LSM14A: variants seen among roughly 807,000 people sequenced by gnomAD.
LSM14A encodes the protein LSM14A mRNA processing body assembly factor, also known as protein LSM14 homolog A.
A neutral mutation model predicts 52.4 loss-of-function variants in LSM14A; 14 were observed. That is an observed-to-expected ratio of 0.27 (90% CI 0.18 to 0.42). The LOEUF is 0.42. Among genes scored for constraint, LSM14A ranks in the 10% least tolerant of loss-of-function variants. The pLI is 1.00. For missense variants in LSM14A, 417 were observed against 581.8 expected (o/e 0.72, Z 2.91); for synonymous variants, 185 against 200.3 (o/e 0.92, Z 0.64).
chr19:34,214,291 AC>A (rs2072404257), intron 4 of LSM14A, among the ~76,000 whole-genome samples: 1 of 146,596 alleles, frequency 6.8e-6, no homozygotes, highest in South Asian at 2.1e-4. Flanking sequence ...TAGTTCTTTT[AC>A]TTTATTTATT....
chr19:34,227,396 A>G lies in LSM14A; in HGVS notation c.*8A>G, dbSNP rs2073398330. 6.3e-7 allele frequency: 1 copy of G among 1,589,674 alleles called. No individual in the cohort carries two copies. Among genetic ancestry groups the G allele is most frequent in the African/African-American group, 1.4e-5 (1 of 73,554 alleles). On this transcript the variant is annotated 3_prime_UTR_variant, in exon 10 of 10. Coordinates refer to ENST00000544216, the MANE Select transcript of LSM14A (RefSeq NM_015578.4). Reference sequence around the variant, plus strand: ...AACAAAGTTGCTGCATAGTCTACAAACAAGTCTCTGAAAATAGGTGAATTT... The same window carrying G: ...AACAAAGTTGCTGCATAGTCTACAAGCAAGTCTCTGAAAATAGGTGAATTT...
chr19:34,225,991 G>T (rs2073316428), intron 9 of LSM14A, among the ~76,000 whole-genome samples: 1 of 152,024 alleles, frequency 6.6e-6, no homozygotes, highest in African/African-American at 2.4e-5. Context: ...GAACCTGGGA[G>T]GTCAAGGCTG....
chr19:34,217,619 G>GTTTTTTTTT (rs34613927), intron 6 of LSM14A, among the ~76,000 whole-genome samples: 1 of 13,768 alleles, frequency 7.3e-5, no homozygotes, highest in Non-Finnish European at 1.2e-4. Flanking sequence ...CCCCCCCCGT[G>GTTTTTTTTT]TTTTTTTTTT....
At chr19:34,183,155 A>G (rs1213104386) in intron 1 of LSM14A, among the ~76,000 whole-genome samples, 1 of 152,238 alleles carries the variant, frequency 6.6e-6, no homozygotes, top group East Asian at 1.9e-4. Flanking sequence ...GAGAGTCAAC[A>G]TTAAATTTAA....
chr19:34,211,643 G>A (rs2072160788), intron 4 of LSM14A, among the ~76,000 whole-genome samples: 1 of 151,910 alleles, frequency 6.6e-6, no homozygotes, highest in South Asian at 2.1e-4. Flanking sequence ...TTAAAAATAA[G>A]CAGAGTATGA....
intron 1 of LSM14A, among the ~76,000 whole-genome samples, chr19:34,184,711 T>A (rs2069758369): frequency 6.6e-6 from 1 of 152,214 alleles, no homozygotes; most frequent in South Asian, 2.1e-4. Context: ...ATTTTCCAGG[T>A]TTTATCTAAT....
intron 1 of LSM14A, among the ~76,000 whole-genome samples, chr19:34,192,632 C>CAAAAA (rs548374017): frequency 1.0e-3 from 77 of 76,928 alleles, no homozygotes; most frequent in African/African-American, 1.9e-3. Context: ...ATCAGTTCTG[C>CAAAAA]AAAAAAAAAA....
At chr19:34,210,098 GT>G (rs1402872599) in intron 4 of LSM14A, among the ~76,000 whole-genome samples, 1 of 151,834 alleles carries the variant, frequency 6.6e-6, no homozygotes, top group East Asian at 1.9e-4. Flanking sequence ...GTTTTGTTTT[GT>G]TTTTAAGTAA....
chr19:34,224,082 A>G (rs754094083), intron 9 of LSM14A, among the ~76,000 whole-genome samples: 38 of 151,676 alleles, frequency 2.5e-4, no homozygotes, highest in Non-Finnish European at 4.3e-4. Flanking sequence ...TAATCCCAGC[A>G]CTTTGGGAGG....
At chr19:34,212,125 C>T (rs2072208624) in intron 4 of LSM14A, among the ~76,000 whole-genome samples, 1 of 151,988 alleles carries the variant, frequency 6.6e-6, no homozygotes, top group Non-Finnish European at 1.5e-5. Flanking sequence ...AGATGGAAGC[C>T]AGGGATTTGA....
At chr19:34,224,193 G>A (rs1022096779) in intron 9 of LSM14A, among the ~76,000 whole-genome samples, 18 of 152,198 alleles carry the variant, frequency 1.2e-4, no homozygotes, top group East Asian at 7.7e-4. Flanking sequence ...TTAGCCGGGC[G>A]TGGTGGCACA....
intron 3 of LSM14A, among the ~76,000 whole-genome samples, chr19:34,199,287 G>A (rs562265324): frequency 1.3e-5 from 2 of 151,950 alleles, no homozygotes; most frequent in East Asian, 3.9e-4. Flanking sequence ...ACCACTCCCG[G>A]CTAGATTTTT....
chr19:34,180,921 A>G lies in LSM14A; in HGVS notation c.121+8158A>G, dbSNP rs573895876. ...TTTCACTTTTCTACATGGCTATTCC[A>G]TTCATTTTCCTCAAGCCTCCAACAC... On this transcript the variant is annotated intron_variant, in intron 1 of 9. Transcript: ENST00000544216. Among the ~76,000 whole-genome samples the G allele has an allele frequency of 1.0e-3, 153 of 152,256 alleles. No homozygotes were observed. In the South Asian group the frequency reaches 0.014, roughly 14 times the overall value.
At chr19:34,191,295 A>G (rs753037233) in intron 1 of LSM14A, among the ~76,000 whole-genome samples, 1 of 152,026 alleles carries the variant, frequency 6.6e-6, no homozygotes, top group Non-Finnish European at 1.5e-5. Flanking sequence ...GTTGTTTCAG[A>G]AAATTTCTTC....
chr19:34,191,228 ATGT>A (rs1195845440), intron 1 of LSM14A, among the ~76,000 whole-genome samples: 1 of 151,560 alleles, frequency 6.6e-6, no homozygotes, highest in Admixed American at 6.6e-5. Flanking sequence ...TACCCTTTCA[ATGT>A]TGTTTTGATC....
At chr19:34,226,362 C>T (rs2073337843) in intron 9 of LSM14A, 1 of 1,402,634 alleles carries the variant, frequency 7.1e-7, no homozygotes, top group Non-Finnish European at 9.4e-7. Flanking sequence ...CTCTCCTGTC[C>T]CCATCTCTTT....
At chr19:34,188,262 G>C (rs1207972502) in intron 1 of LSM14A, among the ~76,000 whole-genome samples, 2 of 152,108 alleles carry the variant, frequency 1.3e-5, no homozygotes, top group African/African-American at 4.8e-5. Context: ...CTCCAACCTG[G>C]ACTGGATGAC....
At chr19:34,185,531 G>T (rs563153311) in intron 1 of LSM14A, among the ~76,000 whole-genome samples, 2 of 152,276 alleles carry the variant, frequency 1.3e-5, no homozygotes, top group South Asian at 4.2e-4. Context: ...CCAAGAGCTG[G>T]ACTGTCGAAT....
Position 34,215,285 on chromosome 19 carries a change from CAGG to C in LSM14A, c.703_705del (p.Glu235del). 1 of 1,612,496 alleles carries C rather than the reference CAGG, an allele frequency of 6.2e-7. No individual in the cohort carries two copies. The highest frequency in any genetic ancestry group is 8.5e-7 in the Non-Finnish European group (1 of 1,179,452). ...TGCCAGCCAAAAGGCAGGAGAGAAT[CAGG>C]AGCACAGGCGAGGTAGAACTTTAGC... On this transcript the variant is annotated inframe_deletion, in exon 5 of 10. Transcript: ENST00000544216.
Sources: allele counts gnomAD v4.1 joint callset (sites outside exome capture counted in the v4.1 genomes callset), GRCh38; gene constraint gnomAD v4.1.1; transcripts MANE v1.5; gene names NCBI Gene and HGNC (gene_info 2026-07-23, HGNC 2026-07-21).